The following CADM2 variants were observed in gnomAD, a reference collection of about 807,000 sequenced individuals.
CADM2 encodes the protein cell adhesion molecule 2.
In CADM2, 12 loss-of-function variants were observed where a neutral mutation model predicts 49.8. That is an observed-to-expected ratio of 0.24 (90% confidence interval 0.15 to 0.39). CADM2 has a LOEUF of 0.39. Ranked by LOEUF, CADM2 falls within the 10% of genes least tolerant of loss-of-function variation. The probability of loss-of-function intolerance (pLI) is 1.00; values close to 1 mark genes in which losing one functional copy is unlikely to be tolerated. For missense variants in CADM2, 378 were observed against 492.3 expected, an observed-to-expected ratio of 0.77 and a Z score of 2.20; for synonymous variants, 214 against 175.4, an observed-to-expected ratio of 1.22 and a Z score of -1.74.
chr3:85,617,961 C>A (rs2063844147), intron 1 of CADM2, among the ~76,000 whole-genome samples: 1 of 152,080 alleles, frequency 6.6e-6, no homozygotes, highest in Admixed American at 6.6e-5. Context: ...GAAACATTTT[C>A]TCTGCTTTCA....
At chr3:85,844,614 GTTC>G (rs1205551741) in intron 3 of CADM2, among the ~76,000 whole-genome samples, 1 of 152,106 alleles carries the variant, frequency 6.6e-6, no homozygotes, top group African/African-American at 2.4e-5. Context: ...AAGATCATTT[GTTC>G]TTCTTATATT....
intron 1 of CADM2, among the ~76,000 whole-genome samples, chr3:85,394,819 C>T (rs1328984865): frequency 6.6e-6 from 1 of 152,084 alleles, no homozygotes; most frequent in Non-Finnish European, 1.5e-5. Context: ...TATATTTTCT[C>T]ATCCCTGTTT....
chr3:86,071,513 T>A lies in CADM2; in HGVS notation c.*4730T>A, dbSNP rs927702341. ...AATATTGAATGCAATAGTTATTGGA[T>A]ATAGCTGGTAAGTTCTCTGCCATGC... On this transcript the variant is annotated 3_prime_UTR_variant, in exon 10 of 10. Transcript: ENST00000383699. The A allele has an allele frequency of 6.6e-6, 1 of 151,940 alleles. No homozygotes were observed. Among genetic ancestry groups the A allele is most frequent in the Non-Finnish European group, 1.5e-5 (1 of 67,832 alleles). 9.4% of individuals were successfully genotyped at this position (151,940 alleles called of 1,614,324 possible).
At chr3:85,748,517 G>A (rs981814836) in intron 2 of CADM2, among the ~76,000 whole-genome samples, 2 of 152,020 alleles carry the variant, frequency 1.3e-5, no homozygotes, top group African/African-American at 4.8e-5. Context: ...ACTTATCTGA[G>A]TCTAATAATG....
intron 8 of CADM2, among the ~76,000 whole-genome samples, chr3:86,009,964 G>T (rs1379852392): frequency 6.6e-6 from 1 of 151,770 alleles, no homozygotes; most frequent in Admixed American, 6.6e-5. Context: ...TACCCTAAAT[G>T]ACGCCTTTTT....
chr3:85,304,184 C>A (rs1055493765), intron 1 of CADM2, among the ~76,000 whole-genome samples: 4 of 151,712 alleles, frequency 2.6e-5, no homozygotes, highest in Non-Finnish European at 5.9e-5. Context: ...AAATACATAT[C>A]TGAAGTCCAG....
chr3:85,263,038 G>A (rs2043046149), intron 1 of CADM2, among the ~76,000 whole-genome samples: 1 of 151,616 alleles, frequency 6.6e-6, no homozygotes, highest in Non-Finnish European at 1.5e-5. Flanking sequence ...TGTCGCCCAG[G>A]CTGTAGTGCA....
At chr3:85,246,226 C>T (rs1347081810) in intron 1 of CADM2, among the ~76,000 whole-genome samples, 1 of 152,006 alleles carries the variant, frequency 6.6e-6, no homozygotes, top group Non-Finnish European at 1.5e-5. Context: ...TGTTCTCACT[C>T]ATAGGTGGGA....
intron 1 of CADM2, among the ~76,000 whole-genome samples, chr3:85,027,151 T>TTC (rs913325170): frequency 7.7e-6 from 1 of 130,552 alleles, no homozygotes; most frequent in Non-Finnish European, 1.6e-5. Flanking sequence ...GTCTCGCTCT[T>TTC]TCACCCAGGC....
intron 1 of CADM2, among the ~76,000 whole-genome samples, chr3:85,497,608 T>C (rs1277020076): frequency 2.6e-5 from 4 of 152,180 alleles, no homozygotes; most frequent in Non-Finnish European, 5.9e-5. Context: ...ATGTTTATGA[T>C]GATTTATTAA....
At chr3:85,825,118 T>G (rs960127224) in intron 3 of CADM2, among the ~76,000 whole-genome samples, 1 of 152,070 alleles carries the variant, frequency 6.6e-6, no homozygotes, top group Non-Finnish European at 1.5e-5. Flanking sequence ...ATGTATTATA[T>G]AAATTGAGGT....
chr3:85,485,418 A>G (rs1237389122), intron 1 of CADM2, among the ~76,000 whole-genome samples: 1 of 152,030 alleles, frequency 6.6e-6, no homozygotes, highest in Non-Finnish European at 1.5e-5. Flanking sequence ...AGTTCACTAC[A>G]CATATTCAGA....
At chr3:85,734,476 T>A (rs1000077109) in intron 2 of CADM2, among the ~76,000 whole-genome samples, 4 of 151,498 alleles carry the variant, frequency 2.6e-5, no homozygotes, top group Non-Finnish European at 4.4e-5. Flanking sequence ...TGTAGCACTA[T>A]GATAAGATAC....
At chr3:85,695,555 C>CAT (rs57737276) in intron 1 of CADM2, among the ~76,000 whole-genome samples, 6,840 of 150,958 alleles carry the variant, frequency 0.045, 505 homozygotes, top group African/African-American at 0.16. Context: ...AAGTAATATT[C>CAT]ATATATATAT....
chr3:85,950,333 G>A (rs1347729677), intron 7 of CADM2, among the ~76,000 whole-genome samples: 1 of 151,116 alleles, frequency 6.6e-6, no homozygotes, highest in African/African-American at 2.4e-5. Context: ...GATTAGCTTA[G>A]GCATTTGTCA....
intron 8 of CADM2, among the ~76,000 whole-genome samples, chr3:86,020,036 A>T: frequency 6.6e-6 from 1 of 152,220 alleles, no homozygotes; most frequent in Non-Finnish European, 1.5e-5. Context: ...CCTTCAAAAA[A>T]TTAATCCAGG....
intron 1 of CADM2, among the ~76,000 whole-genome samples, chr3:85,105,980 A>G (rs985511559): frequency 1.3e-5 from 2 of 152,104 alleles, no homozygotes; most frequent in African/African-American, 4.8e-5. Flanking sequence ...GCTTTAGGAG[A>G]TATACCTAAT....
At chr3:85,272,771 C>T (rs547122070) in intron 1 of CADM2, among the ~76,000 whole-genome samples, 40 of 151,278 alleles carry the variant, frequency 2.6e-4, no homozygotes, top group Admixed American at 2.1e-3. Context: ...TGTGCTTATT[C>T]GTCCATTCAG....
intron 1 of CADM2, among the ~76,000 whole-genome samples, chr3:85,632,553 T>G (rs2107525831): frequency 6.6e-6 from 1 of 152,272 alleles, no homozygotes; most frequent in East Asian, 1.9e-4. Flanking sequence ...ATATAGCTAA[T>G]TCTTTTCAGC....
Sources: allele counts gnomAD v4.1 joint callset (sites outside exome capture counted in the v4.1 genomes callset), GRCh38; gene constraint gnomAD v4.1.1; transcripts MANE v1.5; gene names NCBI Gene and HGNC (gene_info 2026-07-23, HGNC 2026-07-21).